OPHN1: variants seen among roughly 807,000 people sequenced by gnomAD.
The protein encoded by OPHN1 is oligophrenin-1.
In OPHN1, 11 loss-of-function variants were observed where a neutral mutation model predicts 60.7. That is an observed-to-expected ratio of 0.18 (90% CI 0.11 to 0.30). OPHN1 has a LOEUF of 0.30. Among genes scored for constraint, OPHN1 ranks in the 10% least tolerant of loss-of-function variants. The pLI, the probability that OPHN1 is intolerant of heterozygous loss-of-function variation, is 1.00. For synonymous variants in OPHN1, 226 were observed against 222.6 expected, an observed-to-expected ratio of 1.02 and a Z score of -0.14; for missense variants, 449 against 611.0, an observed-to-expected ratio of 0.73 and a Z score of 2.80.
intron 2 of OPHN1, among the ~76,000 whole-genome samples, chrX:68,339,122 A>C (rs2078338675): frequency 9.5e-6 from 1 of 105,344 alleles, no homozygotes; most frequent in Admixed American, 1.1e-4. Context: ...ATATATGAAA[A>C]TTAATGTAAT....
chrX:68,341,968 G>GTTTT (rs1173542561), intron 2 of OPHN1, among the ~76,000 whole-genome samples: 3 of 85,008 alleles, frequency 3.5e-5, no homozygotes, highest in Non-Finnish European at 4.6e-5. Context: ...AATTTTTGGT[G>GTTTT]TTTTTTTTTT....
chrX:68,061,383 G>A (rs977688479), intron 21 of OPHN1, among the ~76,000 whole-genome samples: 1 of 111,249 alleles, frequency 9.0e-6, no homozygotes, highest in African/African-American at 3.3e-5. Flanking sequence ...TACTGTGTGC[G>A]CTGAGCTGAT....
chrX:68,097,092 T>C, intron 18 of OPHN1, 63 bp from the exon 19 acceptor site: 2 of 1,077,024 alleles, frequency 1.9e-6, no homozygotes, highest in South Asian at 2.2e-5. Flanking sequence ...CAACCAAGAC[T>C]GTTTTAGGTG....
intron 2 of OPHN1, among the ~76,000 whole-genome samples, chrX:68,330,568 G>A (rs993953202): frequency 4.5e-5 from 5 of 110,637 alleles, no homozygotes; most frequent in Admixed American, 9.8e-5. Flanking sequence ...GGAGGCTGAG[G>A]CAGGAGGATC....
chrX:68,144,099 T>A (rs2077254118), intron 15 of OPHN1, among the ~76,000 whole-genome samples: 1 of 111,412 alleles, frequency 9.0e-6, no homozygotes, highest in Non-Finnish European at 1.9e-5. Context: ...AGCCTTGACC[T>A]CCTGTGCTTA....
At chrX:68,358,762 T>G (rs2078455180) in intron 2 of OPHN1, among the ~76,000 whole-genome samples, 1 of 111,949 alleles carries the variant, frequency 8.9e-6, no homozygotes, top group Admixed American at 9.6e-5. Flanking sequence ...CTTGGCCACT[T>G]TATTTGCTGG....
intron 2 of OPHN1, 129 bp downstream of exon 2, chrX:68,432,738 G>C (rs2078891936): frequency 1.4e-6 from 1 of 726,334 alleles, no homozygotes; most frequent in South Asian, 2.3e-5. Context: ...CCAAGTGTGG[G>C]AAACCCATTT....
At chrX:68,251,180 G>GTTTT (rs1161101532) in intron 5 of OPHN1, among the ~76,000 whole-genome samples, 9 of 45,742 alleles carry the variant, frequency 2.0e-4, no homozygotes, top group Admixed American at 6.2e-4. Flanking sequence ...CTCCTCAAAT[G>GTTTT]TTTTTTTTTT....
Position 68,043,371 on chromosome X carries a change from T to TAAAAAAAAA in OPHN1, c.*3800_*3801insTTTTTTTTT, listed in dbSNP as rs1179122402. 1.4e-5 allele frequency: 1 copy of TAAAAAAAAA among 70,729 alleles called. No homozygotes were observed. Among genetic ancestry groups the TAAAAAAAAA allele is most frequent in the Non-Finnish European group, 2.5e-5 (1 of 40,300 alleles). The allele number at this position is 70,729 out of a possible 1,213,427, so 5.8% of individuals were successfully genotyped here. On this transcript the variant is annotated 3_prime_UTR_variant, in exon 25 of 25. Transcript: ENST00000355520. ...ATGTACCCTAAAACTTAGAGTATAA[T>TAAAAAAAAA]AAAAAAAAGAAAAAAAAAAGAAAAA...
chrX:68,419,672 T>C (rs1470508184), intron 2 of OPHN1, among the ~76,000 whole-genome samples: 1 of 108,350 alleles, frequency 9.2e-6, no homozygotes, highest in African/African-American at 3.4e-5. Context: ...TCCTGAGTAG[T>C]TGAGATTACA....
intron 14 of OPHN1, among the ~76,000 whole-genome samples, chrX:68,193,595 G>A (rs1487911547): frequency 9.0e-6 from 1 of 111,688 alleles, no homozygotes; most frequent in Admixed American, 9.6e-5. Flanking sequence ...TACTGTGGCA[G>A]AAATTGAACT....
chrX:68,205,063 A>G (rs2147471807), intron 10 of OPHN1, among the ~76,000 whole-genome samples: 1 of 112,184 alleles, frequency 8.9e-6, no homozygotes, highest in South Asian at 3.8e-4. Flanking sequence ...GCTAAAACAC[A>G]GGATGAATTT....
At chrX:68,373,081 G>A (rs1490792573) in intron 2 of OPHN1, among the ~76,000 whole-genome samples, 2 of 111,912 alleles carry the variant, frequency 1.8e-5, no homozygotes, top group Non-Finnish European at 3.8e-5. Context: ...CCTACCACAG[G>A]CACAATCACC....
Position 68,201,673 on chromosome X carries a change from C to T in OPHN1, c.971G>A (p.Arg324Lys), listed in dbSNP as rs2077535893. The T allele has an allele frequency of 1.7e-6, 2 of 1,210,331 alleles. No homozygotes were observed. Among genetic ancestry groups the T allele is most frequent in the Non-Finnish European group, 2.2e-6 (2 of 894,262 alleles). Residue 324 changes from arginine to lysine, a missense_variant, in exon 11 of 25, where the codon AGG becomes AAG. This residue lies in a region of OPHN1 where 166 missense variants were observed against 278.4 expected (regional missense o/e 0.60). Coordinates refer to ENST00000355520, the MANE Select transcript of OPHN1 (RefSeq NM_002547.3). Reference sequence around the variant, plus strand: ...CCTCTTGTCGATAGACTCCGTCTTCCTTCTCACACAGTACTTCAGTGTTAA... The same window carrying T: ...CCTCTTGTCGATAGACTCCGTCTTCTTTCTCACACAGTACTTCAGTGTTAA... Reference protein sequence around the residue: ...LDLTLKYCVRRKTESIDKRFC... With the variant: ...LDLTLKYCVRKKTESIDKRFC...
intron 6 of OPHN1, among the ~76,000 whole-genome samples, chrX:68,216,147 C>T (rs753237144): frequency 1.9e-4 from 21 of 110,984 alleles, no homozygotes; most frequent in Non-Finnish European, 3.8e-4. Flanking sequence ...CCCATAACTA[C>T]GTTACTGGAA....
At chrX:68,104,112 G>A (rs912299818) in intron 18 of OPHN1, among the ~76,000 whole-genome samples, 4 of 111,650 alleles carry the variant, frequency 3.6e-5, no homozygotes, top group Admixed American at 1.9e-4. Flanking sequence ...TGCAAGGGAC[G>A]TGAAGGGCCT....
At chrX:68,219,845 T>A (rs374536689) in intron 6 of OPHN1, among the ~76,000 whole-genome samples, 2 of 100,962 alleles carry the variant, frequency 2.0e-5, no homozygotes, top group Admixed American at 1.1e-4. Flanking sequence ...TCCAAAATTG[T>A]CACCCTAACA....
chrX:68,059,734 A>G (rs888257305), intron 21 of OPHN1, among the ~76,000 whole-genome samples: 7 of 111,553 alleles, frequency 6.3e-5, no homozygotes, highest in African/African-American at 2.3e-4. Context: ...AAAGCATGCC[A>G]CCAGATGCAA....
At chrX:68,255,605 T>C (rs1402546272) in intron 5 of OPHN1, among the ~76,000 whole-genome samples, 1 of 111,086 alleles carries the variant, frequency 9.0e-6, no homozygotes, top group Non-Finnish European at 1.9e-5. Flanking sequence ...CCTTTGGATT[T>C]GAGATGCAAC....
Sources: allele counts gnomAD v4.1 joint callset (sites outside exome capture counted in the v4.1 genomes callset), GRCh38; gene constraint gnomAD v4.1.1; regional missense constraint gnomAD v4.1.1; transcripts MANE v1.5; gene names NCBI Gene and HGNC (gene_info 2026-07-23, HGNC 2026-07-21).